Variants in MRPS5 observed in about 807,000 individuals in gnomAD.
The protein encoded by MRPS5 is small ribosomal subunit protein uS5m.
MRPS5 carries 27 observed loss-of-function variants against 51.9 expected under a neutral mutation model. The ratio of observed to expected loss-of-function variants is 0.52; its 90% CI spans 0.38 to 0.72. The LOEUF (loss-of-function observed/expected upper bound fraction) is 0.72, where lower values mean the gene tolerates loss of function less well. Among genes scored for constraint, MRPS5 ranks in the 30% least tolerant of loss-of-function variants. The pLI, the probability that MRPS5 is intolerant of heterozygous loss-of-function variation, is 0.00. For missense variants in MRPS5, 570 were observed against 545.7 expected (o/e 1.04, Z -0.44); for synonymous variants, 196 against 193.2 (o/e 1.01, Z -0.12).
intron 6 of MRPS5, 64 bp downstream of exon 6, chr2:95,106,359 T>TTCCAGCC: frequency 1.2e-6 from 1 of 835,274 alleles, no homozygotes. Flanking sequence ...TCTTGCCCTG[T>TTCCAGCC]CCCTGCCCCA....
In MRPS5 at chr2:95,087,245, T is replaced by C; in HGVS notation, c.*112A>G. ...TATTTATTTCCAAAGAGTTTAAAGATTAAACTTCCCTCAAAACAAACAAAA... is the reference window on the plus strand; with the variant it reads ...TATTTATTTCCAAAGAGTTTAAAGACTAAACTTCCCTCAAAACAAACAAAA... On this transcript the variant is annotated 3_prime_UTR_variant, in exon 12 of 12. Coordinates refer to ENST00000272418, the MANE Select transcript of MRPS5 (RefSeq NM_031902.5). 1 of 738,292 alleles carries C rather than the reference T, an allele frequency of 1.4e-6. No individual in the cohort carries two copies. Among genetic ancestry groups the C allele is most frequent in the African/African-American group, 1.8e-5 (1 of 56,502 alleles). The allele number at this position is 738,292 out of a possible 1,614,324, so 45.7% of individuals were successfully genotyped here.
intron 10 of MRPS5, chr2:95,092,334 T>A (rs1675491307): frequency 6.6e-6 from 1 of 152,254 alleles, no homozygotes; most frequent in Non-Finnish European, 1.5e-5. Flanking sequence ...CCTCCATTTC[T>A]CTTGGGAGAT....
Position 95,115,171 on chromosome 2 carries a change from G to C in MRPS5, c.172C>G (p.His58Asp). ...GCACGGCTCAAGCTGGCGTAGGGAT[G>C]GGTGTCTCTGGTTCCCAGTGATGAC... ...HLSSLGTRDTHPYASLSRALQ... is the reference protein window; with the variant it reads ...HLSSLGTRDTDPYASLSRALQ... Residue 58 changes from histidine (H) to aspartate (D), a missense_variant, in exon 3 of 12, where the codon CAT (histidine) becomes GAT (aspartate). His to Asp is a moderately conservative substitution (Grantham distance 81). Transcript: ENST00000272418. The C allele has an allele frequency of 6.2e-7, 1 of 1,607,638 alleles. No individual in the cohort carries two copies. The highest frequency in any genetic ancestry group is 1.1e-5 in the South Asian group (1 of 89,506).
At chr2:95,113,087 G>A (rs1335831932) in intron 3 of MRPS5, among the ~76,000 whole-genome samples, 15 of 152,052 alleles carry the variant, frequency 9.9e-5, no homozygotes, top group African/African-American at 2.9e-4. Context: ...AAGAGAGTCC[G>A]AGGCAGGGGT....
At chr2:95,092,822 T>A (rs1675507005) in intron 10 of MRPS5, 1 of 152,256 alleles carries the variant, frequency 6.6e-6, no homozygotes, top group East Asian at 1.9e-4. Context: ...AGGTGATTTC[T>A]GCATTTCCAA....
intron 2 of MRPS5, 33 bp downstream of exon 2, chr2:95,117,832 A>G (rs1468947312): frequency 1.3e-6 from 2 of 1,513,582 alleles, no homozygotes; most frequent in Non-Finnish European, 1.8e-6. Flanking sequence ...ATTAGATCTT[A>G]TGAGAAAAGG....
chr2:95,089,808 T>G (rs1675404163), intron 11 of MRPS5, among the ~76,000 whole-genome samples: 1 of 152,214 alleles, frequency 6.6e-6, no homozygotes, highest in Non-Finnish European at 1.5e-5. Context: ...CAGGTGTTAT[T>G]TTCATAATAA....
intron 5 of MRPS5, among the ~76,000 whole-genome samples, chr2:95,107,567 T>A (rs1675986436): frequency 6.6e-6 from 1 of 152,136 alleles, no homozygotes; most frequent in African/African-American, 2.4e-5. Flanking sequence ...ATCTCTCCCC[T>A]CCAGTTTCAA....
At chr2:95,121,631 C>A in intron 1 of MRPS5, 103 bp downstream of exon 1, 1 of 1,309,114 alleles carries the variant, frequency 7.6e-7, no homozygotes, top group Non-Finnish European at 1.0e-6. Context: ...GAGCCGGGGG[C>A]CGCGGCTTCT....
intron 10 of MRPS5, among the ~76,000 whole-genome samples, chr2:95,097,590 A>C (rs529428670): frequency 4.2e-4 from 64 of 152,302 alleles, no homozygotes; most frequent in Non-Finnish European, 7.4e-4. Context: ...CAAAAACAAG[A>C]AATGGGGAAA....
At chr2:95,110,114 A>G (rs1203297458) in intron 3 of MRPS5, 73 bp from the exon 4 acceptor site, 29 of 1,553,398 alleles carry the variant, frequency 1.9e-5, no homozygotes, top group East Asian at 2.3e-5. Flanking sequence ...CTATTGAATA[A>G]TAAGAGAAGT....
At chr2:95,112,365 C>T (rs1235307973) in intron 3 of MRPS5, among the ~76,000 whole-genome samples, 1 of 152,116 alleles carries the variant, frequency 6.6e-6, no homozygotes, top group Non-Finnish European at 1.5e-5. Context: ...TGCACCCGGC[C>T]TCATGTTATA....
intron 7 of MRPS5, among the ~76,000 whole-genome samples, chr2:95,103,326 TAAC>T (rs1194885723): frequency 2.0e-5 from 3 of 151,968 alleles, no homozygotes; most frequent in East Asian, 1.9e-4. Context: ...AAAAAGGAAA[TAAC>T]AACAGCCAAT....
At chr2:95,108,678 CAACT>C (rs1340553662) in intron 4 of MRPS5, among the ~76,000 whole-genome samples, 1 of 152,156 alleles carries the variant, frequency 6.6e-6, no homozygotes, top group Non-Finnish European at 1.5e-5. Flanking sequence ...GCAAGAAATG[CAACT>C]AATACAAATG....
At chr2:95,102,133 T>G (rs867881995) in intron 7 of MRPS5, among the ~76,000 whole-genome samples, 2 of 150,334 alleles carry the variant, frequency 1.3e-5, no homozygotes, top group Middle Eastern at 3.4e-3. Context: ...GCACTCCAGA[T>G]AGAGCAAGAC....
At position 95,108,979 on chromosome 2, in the gene MRPS5, T is replaced by A. The variant is rs190620929; in HGVS notation, c.404-571A>T. Among the ~76,000 whole-genome samples the A allele has an allele frequency of 3.2e-3, 493 of 152,118 alleles. 2 individuals carry two copies. Among genetic ancestry groups the A allele is most frequent in the Non-Finnish European group, 3.2e-3 (215 of 67,982 alleles). On this transcript the variant is annotated intron_variant, in intron 4 of 11. Transcript: ENST00000272418. ...ATTCATCTTTTTAGGTATTTATGTA[T>A]AAATACCTAAAATTTAATACATAAA...
intron 10 of MRPS5, among the ~76,000 whole-genome samples, chr2:95,097,705 G>A (rs1675669296): frequency 6.6e-6 from 1 of 152,110 alleles, no homozygotes; most frequent in African/African-American, 2.4e-5. Context: ...ATTCAAGATG[G>A]ATTAAAGACT....
chr2:95,090,967 C>G (rs1675447282), intron 10 of MRPS5: 1 of 163,062 alleles, frequency 6.1e-6, no homozygotes, highest in Non-Finnish European at 1.3e-5. Context: ...TGGATTTCCT[C>G]CTAGCTATTG....
chr2:95,119,381 G>A (rs906593275), intron 1 of MRPS5, among the ~76,000 whole-genome samples: 7 of 152,256 alleles, frequency 4.6e-5, no homozygotes, highest in South Asian at 2.1e-4. Context: ...AGACTAAGGC[G>A]GGAGGACTGC....
Sources: gnomAD v4.1 joint callset for allele counts (sites outside exome capture counted in the v4.1 genomes callset) on GRCh38, gnomAD v4.1.1 for gene constraint, MANE v1.5 for transcripts, NCBI Gene and HGNC (gene_info 2026-07-23, HGNC 2026-07-21) for gene names.